Variants in PAFAH1B1 observed in about 807,000 individuals in gnomAD.
PAFAH1B1 encodes platelet-activating factor acetylhydrolase IB subunit beta.
In PAFAH1B1, 2 loss-of-function variants were observed where a neutral mutation model predicts 57.5. The observed-to-expected ratio is 0.03, with a 90% CI of 0.01 to 0.11. The LOEUF is 0.11. PAFAH1B1 is among the 10% of genes least tolerant of loss of function. PAFAH1B1 has a pLI of 1.00. For synonymous variants in PAFAH1B1, 152 were observed against 169.6 expected (o/e 0.90, Z 0.81); for missense variants, 257 against 512.0 (o/e 0.50, Z 4.81).
intron 1 of PAFAH1B1, among the ~76,000 whole-genome samples, chr17:2,637,254 A>G (rs1455852276): frequency 3.3e-5 from 5 of 152,284 alleles, no homozygotes; most frequent in South Asian, 2.1e-4. Flanking sequence ...AATTTTATAT[A>G]TACCAGTAGC....
chr17:2,638,094 C>T lies in PAFAH1B1; in HGVS notation c.-190-5C>T. Reference sequence around the variant, plus strand: ...AATCTTTTTTTTTCTTCTCTTTCTCCTTAGGTGGAATGAATCTTACTTGTT... The same window carrying T: ...AATCTTTTTTTTTCTTCTCTTTCTCTTTAGGTGGAATGAATCTTACTTGTT... On this transcript the variant is annotated splice_region_variant and splice_polypyrimidine_tract_variant and intron_variant, in intron 1 of 10. Coordinates refer to ENST00000397195, the MANE Select transcript of PAFAH1B1 (RefSeq NM_000430.4). 5 of 503,614 alleles carry T rather than the reference C, an allele frequency of 9.9e-6. No homozygotes were observed. The highest frequency in any genetic ancestry group is 5.3e-4 in the Middle Eastern group (1 of 1,884). 31.2% of individuals were successfully genotyped at this position (503,614 alleles called of 1,614,324 possible). A position where few individuals can be genotyped will look rare whatever the true frequency, so the allele number is the denominator to read the frequency against.
chr17:2,639,057 G>T (rs928108328), intron 2 of PAFAH1B1, among the ~76,000 whole-genome samples: 7 of 151,904 alleles, frequency 4.6e-5, no homozygotes, highest in Admixed American at 4.6e-4. Context: ...CCGTCAACAC[G>T]CCTGGCTAAG....
intron 2 of PAFAH1B1, among the ~76,000 whole-genome samples, chr17:2,648,958 C>T (rs1045170754): frequency 6.6e-6 from 1 of 151,838 alleles, no homozygotes; most frequent in South Asian, 2.1e-4. Context: ...AGTAAGGCAA[C>T]AGAAAGAATT....
chr17:2,633,920 C>T (rs78100040), intron 1 of PAFAH1B1, among the ~76,000 whole-genome samples: 2,170 of 147,688 alleles, frequency 0.015, 64 homozygotes, highest in African/African-American at 0.052. Context: ...TTACCATCTG[C>T]TGTGGTTTCA....
At chr17:2,634,716 A>G (rs1353158564) in intron 1 of PAFAH1B1, among the ~76,000 whole-genome samples, 1 of 152,026 alleles carries the variant, frequency 6.6e-6, no homozygotes, top group Non-Finnish European at 1.5e-5. Flanking sequence ...CCTGGGATAA[A>G]TTATAAAGAC....
intron 1 of PAFAH1B1, among the ~76,000 whole-genome samples, chr17:2,622,803 G>A (rs2068441481): frequency 6.6e-6 from 1 of 152,228 alleles, no homozygotes; most frequent in Admixed American, 6.5e-5. Context: ...TTCTCCATGA[G>A]GGCCCTGTCC....
chr17:2,671,354 A>G (rs776267652), intron 6 of PAFAH1B1, among the ~76,000 whole-genome samples: 2 of 151,658 alleles, frequency 1.3e-5, no homozygotes, highest in Non-Finnish European at 2.9e-5. Context: ...GATTATAGGC[A>G]CGCGCCACCA....
At chr17:2,610,364 A>T (rs1414195210) in intron 1 of PAFAH1B1, among the ~76,000 whole-genome samples, 1 of 152,244 alleles carries the variant, frequency 6.6e-6, no homozygotes, top group Non-Finnish European at 1.5e-5. Context: ...AAAAAGGTTT[A>T]TTATAATTTT....
At chr17:2,656,449 T>C (rs1248504724) in intron 2 of PAFAH1B1, among the ~76,000 whole-genome samples, 6 of 149,226 alleles carry the variant, frequency 4.0e-5, no homozygotes, top group Non-Finnish European at 8.9e-5. Context: ...GACCTCATCT[T>C]TTTTTTTTTT....
At chr17:2,633,539 G>C (rs1282674479) in intron 1 of PAFAH1B1, among the ~76,000 whole-genome samples, 1 of 151,730 alleles carries the variant, frequency 6.6e-6, no homozygotes, top group East Asian at 1.9e-4. Context: ...ATCTAATTTG[G>C]CTGGGGGAAG....
At chr17:2,657,943 A>G (rs531817882) in intron 2 of PAFAH1B1, among the ~76,000 whole-genome samples, 1 of 152,324 alleles carries the variant, frequency 6.6e-6, no homozygotes, top group African/African-American at 2.4e-5. Flanking sequence ...AATGTTTCAA[A>G]CTATTCAATA....
intron 1 of PAFAH1B1, among the ~76,000 whole-genome samples, chr17:2,625,067 G>A (rs1042145199): frequency 6.6e-6 from 1 of 150,648 alleles, no homozygotes; most frequent in Non-Finnish European, 1.5e-5. Flanking sequence ...TTGTGGTGGG[G>A]TACTTACCCT....
At chr17:2,636,022 C>T (rs555272862) in intron 1 of PAFAH1B1, among the ~76,000 whole-genome samples, 1 of 151,550 alleles carries the variant, frequency 6.6e-6, no homozygotes, top group Non-Finnish European at 1.5e-5. Flanking sequence ...ACTCAAGAGG[C>T]TGAGCCCAGC....
chr17:2,626,104 T>A (rs2531856), intron 1 of PAFAH1B1, among the ~76,000 whole-genome samples: 60,349 of 151,366 alleles, frequency 0.4, 13,584 homozygotes, highest in African/African-American at 0.62. Context: ...TACAAAAAAA[T>A]TTAGCTAGGC....
chr17:2,632,030 C>G (rs1306280180), intron 1 of PAFAH1B1, among the ~76,000 whole-genome samples: 1 of 152,192 alleles, frequency 6.6e-6, no homozygotes, highest in Non-Finnish European at 1.5e-5. Flanking sequence ...CTCTCTTATT[C>G]ACTGTCATTA....
chr17:2,620,613 C>T (rs2068407516), intron 1 of PAFAH1B1, among the ~76,000 whole-genome samples: 1 of 152,116 alleles, frequency 6.6e-6, no homozygotes. Flanking sequence ...CCTGTAATCC[C>T]AGCACTTTGG....
chr17:2,593,229 G>A (rs1330808580), upstream of PAFAH1B1: 1 of 152,222 alleles, frequency 6.6e-6, no homozygotes, highest in Non-Finnish European at 1.5e-5. Context: ...GGGGCGGTAG[G>A]TGGCCGGGCC....
chr17:2,661,110 C>G (rs1000495468), intron 2 of PAFAH1B1, among the ~76,000 whole-genome samples: 8 of 151,498 alleles, frequency 5.3e-5, no homozygotes, highest in Admixed American at 3.9e-4. Flanking sequence ...TTTTCCCGTT[C>G]TGTAGGTTGC....
chr17:2,648,655 G>A (rs977538604), intron 2 of PAFAH1B1, among the ~76,000 whole-genome samples: 1 of 145,782 alleles, frequency 6.9e-6, no homozygotes, highest in African/African-American at 2.6e-5. Flanking sequence ...TCCATGCTGG[G>A]CAACAGAGTG....
Sources: allele counts gnomAD v4.1 joint callset (sites outside exome capture counted in the v4.1 genomes callset), GRCh38; gene constraint gnomAD v4.1.1; transcripts MANE v1.5; gene names NCBI Gene and HGNC (gene_info 2026-07-23, HGNC 2026-07-21).